Variants in OCA2 observed in about 807,000 individuals in gnomAD.
The protein encoded by OCA2 is P protein.
In OCA2, 77 loss-of-function variants were observed where a neutral mutation model predicts 100.2. The ratio of observed to expected loss-of-function variants is 0.77; its 90% CI spans 0.64 to 0.93. OCA2 has a LOEUF of 0.93. Among genes scored for constraint, OCA2 ranks in the 40% least tolerant of loss-of-function variants. The pLI, the probability that OCA2 is intolerant of heterozygous loss-of-function variation, is 0.00. For synonymous variants in OCA2, 432 were observed against 439.2 expected, an observed-to-expected ratio of 0.98 and a Z score of 0.21; for missense variants, 1,062 against 1,089.1, an observed-to-expected ratio of 0.98 and a Z score of 0.35.
Position 27,986,187 on chromosome 15 carries a change from T to A in OCA2, c.1239+400A>T, listed in dbSNP as rs531777881. Among the ~76,000 whole-genome samples the A allele has an allele frequency of 4.6e-5, 7 of 152,330 alleles. No individual in the cohort carries two copies. The South Asian group carries it at 1.2e-3, about 27-fold the overall frequency. On this transcript the variant is annotated intron_variant, in intron 12 of 23. Transcript: ENST00000354638. ...AGGGTTCCAGTTAAAAATGTAAATG[T>A]GTATATATTCAATATTTAGGAAGGA... is the stretch of plus-strand genomic sequence containing the variant.
intron 18 of OCA2, among the ~76,000 whole-genome samples, chr15:27,935,538 C>T (rs1392168616): frequency 1.3e-5 from 2 of 152,192 alleles, no homozygotes. Context: ...TCTCTCAGCA[C>T]CCCAGCCCAG....
chr15:27,943,309 T>C (rs917451925), intron 18 of OCA2, among the ~76,000 whole-genome samples: 8 of 152,168 alleles, frequency 5.3e-5, no homozygotes, highest in African/African-American at 1.7e-4. Context: ...TTCAGACCGA[T>C]AGAATAGATG....
intron 18 of OCA2, among the ~76,000 whole-genome samples, chr15:27,931,749 A>T (rs1365096489): frequency 6.6e-6 from 1 of 152,250 alleles, no homozygotes; most frequent in East Asian, 1.9e-4. Context: ...TTTCTGGAAA[A>T]CAATGACAGT....
intron 21 of OCA2, among the ~76,000 whole-genome samples, chr15:27,854,439 G>C (rs1873425307): frequency 6.6e-6 from 1 of 152,204 alleles, no homozygotes; most frequent in African/African-American, 2.4e-5. Flanking sequence ...TGGGTCACAA[G>C]GGGCATGTTG....
intron 14 of OCA2, among the ~76,000 whole-genome samples, chr15:27,982,485 T>G (rs1212880540): frequency 3.3e-5 from 5 of 152,190 alleles, no homozygotes; most frequent in Admixed American, 1.3e-4. Flanking sequence ...ATGGCAAAGT[T>G]GGTGAAGTGT....
At chr15:27,817,361 G>A (rs142765308) in intron 23 of OCA2, among the ~76,000 whole-genome samples, 9 of 152,170 alleles carry the variant, frequency 5.9e-5, no homozygotes, top group East Asian at 1.9e-4. Context: ...CCCAGAATCC[G>A]GCAGACCCTG....
intron 23 of OCA2, among the ~76,000 whole-genome samples, chr15:27,801,291 G>A (rs547574844): frequency 7.2e-5 from 11 of 152,144 alleles, no homozygotes; most frequent in African/African-American, 2.4e-4. Flanking sequence ...TATGCCAGAC[G>A]TGGTGGTTCA....
In OCA2 at chr15:28,027,852, G is replaced by A; in HGVS notation, c.515+19C>T. The A allele has an allele frequency of 3.1e-6, 5 of 1,611,376 alleles. No homozygotes were observed. Among genetic ancestry groups the A allele is most frequent in the Non-Finnish European group, 4.2e-6 (5 of 1,179,920 alleles). On this transcript the variant is annotated intron_variant, in intron 4 of 23. Coordinates refer to ENST00000354638, the MANE Select transcript of OCA2 (RefSeq NM_000275.3). ...GCGGCCACCGCTGCTGCCAGGGTGG[G>A]CACCCCAAGTCCGCCTACCTCAGCT...
chr15:27,775,560 T>C (rs1158088373), intron 23 of OCA2: 5 of 152,672 alleles, frequency 3.3e-5, no homozygotes, highest in Admixed American at 6.5e-5. Context: ...AGTCCCAGGC[T>C]CTGTGCAAAC....
chr15:27,995,452 G>T (rs1189148519), intron 9 of OCA2, among the ~76,000 whole-genome samples: 1 of 152,110 alleles, frequency 6.6e-6, no homozygotes, highest in Admixed American at 6.5e-5. Flanking sequence ...GAGTGCAGTG[G>T]TGCAATCAAA....
At chr15:27,920,359 A>T (rs1017944404) in intron 19 of OCA2, among the ~76,000 whole-genome samples, 1 of 152,194 alleles carries the variant, frequency 6.6e-6, no homozygotes, top group African/African-American at 2.4e-5. Flanking sequence ...CTTAAGACAA[A>T]AATTGTTTTT....
At chr15:27,978,841 A>G (rs555798019) in intron 14 of OCA2, among the ~76,000 whole-genome samples, 1 of 152,208 alleles carries the variant, frequency 6.6e-6, no homozygotes, top group Non-Finnish European at 1.5e-5. Flanking sequence ...GCCTGCCACC[A>G]TGCCCGGCTA....
At chr15:27,988,778 C>T (rs940946182) in intron 11 of OCA2, among the ~76,000 whole-genome samples, 6 of 152,222 alleles carry the variant, frequency 3.9e-5, no homozygotes, top group East Asian at 3.9e-4. Flanking sequence ...GTCTCAGGCC[C>T]GACACAAGTA....
intron 9 of OCA2, among the ~76,000 whole-genome samples, chr15:27,999,009 T>A (rs2041842374): frequency 6.7e-6 from 1 of 148,718 alleles, no homozygotes; most frequent in African/African-American, 2.5e-5. Flanking sequence ...TGAGAACACA[T>A]GGACACAGGA....
intron 23 of OCA2, among the ~76,000 whole-genome samples, chr15:27,792,184 G>A (rs2033115243): frequency 6.6e-6 from 1 of 152,314 alleles, no homozygotes; most frequent in South Asian, 2.1e-4. Context: ...TTAAAGTAGA[G>A]GAGGGACCAT....
intron 14 of OCA2, among the ~76,000 whole-genome samples, chr15:27,976,742 G>T (rs1366670504): frequency 1.3e-5 from 2 of 152,046 alleles, no homozygotes; most frequent in African/African-American, 4.8e-5. Context: ...CACATATCAA[G>T]GCCTCATAGA....
chr15:27,871,303 T>C (rs1305541700), intron 20 of OCA2, 45 bp from the exon 21 acceptor site: 4 of 1,476,840 alleles, frequency 2.7e-6, no homozygotes, highest in Non-Finnish European at 3.8e-6. Context: ...TCGCATGCAC[T>C]TAGGGTCAGA....
At chr15:28,024,951 G>T in intron 4 of OCA2, 49 bp from the exon 5 acceptor site, 8 of 1,579,318 alleles carry the variant, frequency 5.1e-6, no homozygotes, top group Non-Finnish European at 7.0e-6. Flanking sequence ...CAGTCCTGTT[G>T]CCCAGACTCA....
At chr15:28,052,713 G>T (rs780680764) in intron 2 of OCA2, among the ~76,000 whole-genome samples, 5 of 152,196 alleles carry the variant, frequency 3.3e-5, no homozygotes, top group Non-Finnish European at 7.3e-5. Context: ...TTTCACAGAG[G>T]TCTAATGCCC....
Sources: allele counts gnomAD v4.1 joint callset (sites outside exome capture counted in the v4.1 genomes callset), GRCh38; gene constraint gnomAD v4.1.1; transcripts MANE v1.5; gene names NCBI Gene and HGNC (gene_info 2026-07-23, HGNC 2026-07-21).